Variants in R3HDM2 observed in about 807,000 individuals in gnomAD.
R3HDM2 encodes the protein R3H domain containing 2.
In R3HDM2, 38 loss-of-function variants were observed where a neutral mutation model predicts 124.5. That is an observed-to-expected ratio of 0.31 (90% CI 0.24 to 0.40). The LOEUF is 0.40. Ranked by LOEUF, R3HDM2 falls within the 10% of genes least tolerant of loss-of-function variation. R3HDM2 has a pLI of 1.00. For synonymous variants in R3HDM2, 391 were observed against 448.0 expected, an observed-to-expected ratio of 0.87 and a Z score of 1.61; for missense variants, 869 against 1,236.9, an observed-to-expected ratio of 0.70 and a Z score of 4.46.
intron 2 of R3HDM2, among the ~76,000 whole-genome samples, chr12:57,343,057 T>C (rs2059728588): frequency 6.6e-6 from 1 of 151,954 alleles, no homozygotes; most frequent in South Asian, 2.1e-4. Context: ...AGAGTGTAAG[T>C]ACAGGGATGA....
At chr12:57,372,165 C>A (rs1044029589) in intron 2 of R3HDM2, among the ~76,000 whole-genome samples, 2 of 152,124 alleles carry the variant, frequency 1.3e-5, no homozygotes, top group African/African-American at 4.8e-5. Flanking sequence ...CTGCACCCAG[C>A]CAACTGTGGC....
intron 2 of R3HDM2, among the ~76,000 whole-genome samples, chr12:57,347,898 C>T (rs1423361050): frequency 2.0e-5 from 3 of 151,982 alleles, no homozygotes; most frequent in Admixed American, 6.6e-5. Context: ...AAACTAGTTC[C>T]TTCAAAGGAT....
At chr12:57,359,598 T>C (rs1290534618) in intron 2 of R3HDM2, among the ~76,000 whole-genome samples, 1 of 152,232 alleles carries the variant, frequency 6.6e-6, no homozygotes, top group Non-Finnish European at 1.5e-5. Flanking sequence ...AAAAGTTTGT[T>C]GCAGACAGCA....
chr12:57,404,199 C>T (rs1346237549), intron 1 of R3HDM2, among the ~76,000 whole-genome samples: 4 of 148,022 alleles, frequency 2.7e-5, no homozygotes, highest in East Asian at 2.0e-4. Context: ...CGAGTAGCTG[C>T]GATTACAGGC....
At chr12:57,260,224 A>AT (rs1219853878) in intron 19 of R3HDM2, among the ~76,000 whole-genome samples, 1 of 129,572 alleles carries the variant, frequency 7.7e-6, no homozygotes, top group Non-Finnish European at 1.6e-5. Context: ...TGATTATGCC[A>AT]TTGCACTCCA....
intron 2 of R3HDM2, among the ~76,000 whole-genome samples, chr12:57,331,313 G>C (rs1408091973): frequency 3.9e-5 from 6 of 152,116 alleles, no homozygotes; most frequent in Non-Finnish European, 5.9e-5. Context: ...TGATCTACAA[G>C]ACCTTAAATG....
chr12:57,372,046 T>C (rs983758249), intron 2 of R3HDM2, among the ~76,000 whole-genome samples: 3 of 152,198 alleles, frequency 2.0e-5, no homozygotes, highest in Non-Finnish European at 4.4e-5. Context: ...TTTTTATTTT[T>C]AGTAGAGATG....
At chr12:57,423,556 A>T (rs1402754445) in intron 1 of R3HDM2, among the ~76,000 whole-genome samples, 1 of 152,016 alleles carries the variant, frequency 6.6e-6, no homozygotes, top group Non-Finnish European at 1.5e-5. Flanking sequence ...GTGGTGCCTC[A>T]TGCCCAGCAC....
At chr12:57,420,647 G>A (rs576730369) in intron 1 of R3HDM2, among the ~76,000 whole-genome samples, 3 of 151,358 alleles carry the variant, frequency 2.0e-5, no homozygotes, top group East Asian at 2.0e-4. Context: ...GAGCCACTGC[G>A]CCCAGGCTTT....
intron 1 of R3HDM2, chr12:57,430,481 AC>A (rs1348357955): frequency 5.5e-5 from 37 of 678,594 alleles, no homozygotes; most frequent in East Asian, 1.4e-4. Flanking sequence ...AGGTGGCGCC[AC>A]CCCCCTGCCC....
At chr12:57,289,540 G>A (rs1389360106) in intron 11 of R3HDM2, among the ~76,000 whole-genome samples, 1 of 152,190 alleles carries the variant, frequency 6.6e-6, no homozygotes, top group Admixed American at 6.5e-5. Flanking sequence ...AAGGAGGGTG[G>A]GATATTGGGG....
chr12:57,389,022 G>C (rs753791733), intron 2 of R3HDM2, among the ~76,000 whole-genome samples: 13 of 151,892 alleles, frequency 8.6e-5, no homozygotes, highest in Non-Finnish European at 1.8e-4. Context: ...TTTCTTATCA[G>C]GGTTACTAAT....
chr12:57,349,379 CAAAAAAAAAAA>C lies in R3HDM2; in HGVS notation c.-35-38927_-35-38917del, dbSNP rs1161831845. Among the ~76,000 whole-genome samples, 45 of 57,746 alleles carry C rather than the reference CAAAAAAAAAAA, an allele frequency of 7.8e-4. 1 individual carries two copies. The highest frequency in any genetic ancestry group is 5.6e-3 in the South Asian group (9 of 1,598). The allele number at this position is 57,746 out of a possible 152,430, so 37.9% of individuals were successfully genotyped here. A position where few individuals can be genotyped will look rare whatever the true frequency, so the allele number is the denominator to read the frequency against. On this transcript the variant is annotated intron_variant, in intron 2 of 23. Transcript: ENST00000402412. Reference sequence around the variant, plus strand: ...TGCCGACAGAGCGAGACTCCGTCTCCAAAAAAAAAAAAAAAAAAAAAAAAAAAAGAAAAGAA... The same window carrying C: ...TGCCGACAGAGCGAGACTCCGTCTCCAAAAAAAAAAAAAAAAAGAAAAGAA...
intron 2 of R3HDM2, among the ~76,000 whole-genome samples, chr12:57,337,775 T>A (rs1193163051): frequency 6.6e-6 from 1 of 152,106 alleles, no homozygotes; most frequent in Non-Finnish European, 1.5e-5. Flanking sequence ...AGATGTTACC[T>A]CCCAATATGA....
intron 2 of R3HDM2, among the ~76,000 whole-genome samples, chr12:57,364,011 T>C (rs1319600578): frequency 6.6e-6 from 1 of 152,156 alleles, no homozygotes; most frequent in African/African-American, 2.4e-5. Flanking sequence ...GGTTGATAGG[T>C]TTTTTCATCT....
intron 2 of R3HDM2, among the ~76,000 whole-genome samples, chr12:57,357,560 T>C (rs1310678434): frequency 1.3e-5 from 2 of 152,042 alleles, no homozygotes; most frequent in Non-Finnish European, 2.9e-5. Flanking sequence ...GTAAGGTGTG[T>C]GTGTCTTCTC....
At chr12:57,369,043 T>A (rs1000835033) in intron 2 of R3HDM2, among the ~76,000 whole-genome samples, 1 of 152,174 alleles carries the variant, frequency 6.6e-6, no homozygotes, top group Non-Finnish European at 1.5e-5. Flanking sequence ...ATAGAAGGAT[T>A]AGGCAAATAA....
chr12:57,349,379 C>CAAAAAAAAAAAAAAAAAAAAAAAAAA (rs1161831845), intron 2 of R3HDM2, among the ~76,000 whole-genome samples: 2 of 57,776 alleles, frequency 3.5e-5, no homozygotes, highest in Admixed American at 2.3e-4. Flanking sequence ...ACTCCGTCTC[C>CAAAAAAAAAAAAAAAAAAAAAAAAAA]AAAAAAAAAA....
chr12:57,351,959 C>T (rs1238142637), intron 2 of R3HDM2, among the ~76,000 whole-genome samples: 1 of 152,006 alleles, frequency 6.6e-6, no homozygotes. Context: ...AGAAACAAAA[C>T]TTTCCTAAAT....
Sources: allele counts gnomAD v4.1 joint callset (sites outside exome capture counted in the v4.1 genomes callset), GRCh38; gene constraint gnomAD v4.1.1; transcripts MANE v1.5; gene names NCBI Gene and HGNC (gene_info 2026-07-23, HGNC 2026-07-21).